Variants in PPP1R1C observed in about 807,000 individuals in gnomAD.
PPP1R1C encodes the protein protein phosphatase 1 regulatory subunit 1C.
PPP1R1C carries 15 observed loss-of-function variants against 17.4 expected under a neutral mutation model. The observed-to-expected ratio is 0.86, with a 90% confidence interval of 0.58 to 1.33. The LOEUF is 1.33. Ranked by LOEUF, PPP1R1C falls within the 40% of genes most tolerant of loss-of-function variation. The pLI, the probability that PPP1R1C is intolerant of heterozygous loss-of-function variation, is 0.00. For missense variants in PPP1R1C, 143 were observed against 130.0 expected (o/e 1.10, Z -0.48); for synonymous variants, 35 against 43.1 (o/e 0.81, Z 0.73).
At chr2:181,959,145 C>T (rs537029742) in intron 1 of PPP1R1C, among the ~76,000 whole-genome samples, 1 of 152,140 alleles carries the variant, frequency 6.6e-6, no homozygotes, top group African/African-American at 2.4e-5. Context: ...TACTTGGGAG[C>T]CTCAGTCTGT....
At chr2:182,022,521 C>A (rs950408192) in intron 2 of PPP1R1C, among the ~76,000 whole-genome samples, 1 of 152,176 alleles carries the variant, frequency 6.6e-6, no homozygotes, top group African/African-American at 2.4e-5. Flanking sequence ...CTCAGAGTGG[C>A]TGTTTACTCC....
intron 4 of PPP1R1C, among the ~76,000 whole-genome samples, chr2:182,089,696 A>G (rs2125219728): frequency 6.6e-6 from 1 of 152,304 alleles, no homozygotes; most frequent in Middle Eastern, 3.4e-3. Flanking sequence ...GTAACATGGT[A>G]GATAACTAGA....
chr2:182,024,877 C>A (rs1686547309), intron 2 of PPP1R1C, among the ~76,000 whole-genome samples: 1 of 150,362 alleles, frequency 6.7e-6, no homozygotes, highest in South Asian at 2.1e-4. Flanking sequence ...AACAAACAAA[C>A]AAACAAACAA....
At chr2:181,996,569 G>A (rs1685618090) in intron 2 of PPP1R1C, among the ~76,000 whole-genome samples, 1 of 152,170 alleles carries the variant, frequency 6.6e-6, no homozygotes, top group Non-Finnish European at 1.5e-5. Flanking sequence ...TGTGAAATAA[G>A]TTGCCAAAAT....
At chr2:182,049,153 T>C (rs1574410012) in intron 2 of PPP1R1C, among the ~76,000 whole-genome samples, 1 of 151,990 alleles carries the variant, frequency 6.6e-6, no homozygotes, top group East Asian at 1.9e-4. Context: ...GCCAACATGG[T>C]GAAACCCCAT....
At chr2:182,093,827 C>A (rs187937809) in intron 4 of PPP1R1C, among the ~76,000 whole-genome samples, 17 of 152,338 alleles carry the variant, frequency 1.1e-4, no homozygotes, top group African/African-American at 4.1e-4. Context: ...ATGTGACTTT[C>A]AGCATTTTGG....
In PPP1R1C at chr2:181,976,601, T is replaced by A. The variant is rs1033307265; in HGVS notation, n.157+1337T>A. Among the ~76,000 whole-genome samples the A allele has an allele frequency of 6.6e-6, 1 of 152,132 alleles. No homozygotes were observed. The highest frequency in any genetic ancestry group is 1.5e-5 in the Non-Finnish European group (1 of 67,978). Reference sequence around the variant, plus strand: ...TTAATATAAATTTTATCTATATATCTGTATATCTATATCTATATCTATATC... The same window carrying A: ...TTAATATAAATTTTATCTATATATCAGTATATCTATATCTATATCTATATC... On this transcript the variant is annotated intron_variant and non_coding_transcript_variant, in intron 2 of 5. Transcript: ENST00000464264. This position sits in a 1 kb window ranked among gnomAD's most constrained non-coding sequence, Gnocchi z 4.8.
chr2:181,977,636 A>G (rs1234050906), intron 2 of PPP1R1C, among the ~76,000 whole-genome samples: 1 of 152,198 alleles, frequency 6.6e-6, no homozygotes, highest in South Asian at 2.1e-4. Flanking sequence ...CTAACAGGAC[A>G]CTTTAAAAAG....
chr2:182,049,059 A>G (rs1249662595), intron 2 of PPP1R1C, among the ~76,000 whole-genome samples: 2 of 152,210 alleles, frequency 1.3e-5, no homozygotes, highest in Non-Finnish European at 2.9e-5. Flanking sequence ...CAGGCCAGGC[A>G]TGGAGGCTCA....
At chr2:182,109,586 C>T (rs1479593342) in intron 4 of PPP1R1C, among the ~76,000 whole-genome samples, 2 of 152,072 alleles carry the variant, frequency 1.3e-5, no homozygotes, top group African/African-American at 2.4e-5. Context: ...TTCAAGTTCC[C>T]GTTTGTTGGA....
At chr2:182,035,809 AT>A (rs1286616069) in intron 2 of PPP1R1C, among the ~76,000 whole-genome samples, 5 of 152,120 alleles carry the variant, frequency 3.3e-5, no homozygotes, top group Non-Finnish European at 7.4e-5. Context: ...TTCTTTATAA[AT>A]TACCCAGTAT....
In PPP1R1C at chr2:181,977,132, T is replaced by TAAAAAAAAAAAA. The variant is rs67129466; in HGVS notation, n.157+1898_157+1909dup. 2.0e-4 allele frequency among the ~76,000 whole-genome samples: 4 copies of TAAAAAAAAAAAA among 19,850 alleles called. 1 individual carries two copies. The highest frequency in any genetic ancestry group is 2.4e-4 in the African/African-American group (2 of 8,294). 13.0% of individuals were successfully genotyped at this position (19,850 alleles called of 152,430 possible). The stretch of plus-strand genomic sequence containing the variant: ...CTGGGCAACAGAGTGAGAATCTATC[T>TAAAAAAAAAAAA]AAAAAAAAAAAAAAAAAAAAAAAAA... On this transcript the variant is annotated intron_variant and non_coding_transcript_variant, in intron 2 of 5. Coordinates refer to the PPP1R1C transcript ENST00000464264.
chr2:182,005,606 T>G (rs1194851103), intron 2 of PPP1R1C, among the ~76,000 whole-genome samples: 2 of 152,216 alleles, frequency 1.3e-5, no homozygotes, highest in East Asian at 3.8e-4. Context: ...TATCTGTAAC[T>G]AGGGGCATCT....
intron 4 of PPP1R1C, among the ~76,000 whole-genome samples, chr2:182,075,845 A>G (rs912068323): frequency 6.6e-6 from 1 of 152,166 alleles, no homozygotes; most frequent in Non-Finnish European, 1.5e-5. Context: ...TAATCTTGAG[A>G]TGATAAGCTT....
At chr2:182,082,940 T>G (rs1688523452) in intron 4 of PPP1R1C, among the ~76,000 whole-genome samples, 1 of 152,014 alleles carries the variant, frequency 6.6e-6, no homozygotes, top group South Asian at 2.1e-4. Flanking sequence ...TGGGATAGAA[T>G]CAACACAGCC....
At chr2:182,095,974 C>T (rs1055717026) in intron 4 of PPP1R1C, among the ~76,000 whole-genome samples, 3 of 145,716 alleles carry the variant, frequency 2.1e-5, no homozygotes, top group African/African-American at 7.8e-5. Flanking sequence ...GACTCTGTCT[C>T]AGACACACAC....
At chr2:181,960,654 G>A (rs1684759747) in intron 1 of PPP1R1C, among the ~76,000 whole-genome samples, 1 of 152,100 alleles carries the variant, frequency 6.6e-6, no homozygotes, top group African/African-American at 2.4e-5. Flanking sequence ...AATTCTCTCT[G>A]CCATGGGCCC....
chr2:181,982,798 T>C (rs1330387228), upstream of PPP1R1C, among the ~76,000 whole-genome samples: 1 of 152,150 alleles, frequency 6.6e-6, no homozygotes, highest in Admixed American at 6.5e-5. Flanking sequence ...TATTATAGTG[T>C]AAAATCAGGA....
intron 2 of PPP1R1C, among the ~76,000 whole-genome samples, chr2:181,996,144 CCATA>C (rs1191436070): frequency 1.3e-5 from 2 of 152,176 alleles, no homozygotes; most frequent in East Asian, 3.8e-4. Flanking sequence ...AAATTAGTTT[CCATA>C]CTACCTGAAA....
Sources: allele counts gnomAD v4.1 joint callset (sites outside exome capture counted in the v4.1 genomes callset), GRCh38; gene constraint gnomAD v4.1.1; non-coding constraint Gnocchi (gnomAD v3.1); transcripts MANE v1.5; gene names NCBI Gene and HGNC (gene_info 2026-07-23, HGNC 2026-07-21).